OGDH: variants seen among roughly 807,000 people sequenced by gnomAD.
The protein encoded by OGDH is 2-oxoglutarate dehydrogenase complex component E1.
OGDH carries 38 observed loss-of-function variants against 116.6 expected under a neutral mutation model. That is an observed-to-expected ratio of 0.33 (90% CI 0.25 to 0.43). The LOEUF is 0.43. Among genes scored for constraint, OGDH ranks in the 20% least tolerant of loss-of-function variants. The pLI, the probability that OGDH is intolerant of heterozygous loss-of-function variation, is 1.00. For synonymous variants in OGDH, 488 were observed against 533.3 expected, an observed-to-expected ratio of 0.92 and a Z score of 1.17; for missense variants, 825 against 1,357.2, an observed-to-expected ratio of 0.61 and a Z score of 6.16.
intron 5 of OGDH, among the ~76,000 whole-genome samples, chr7:44,668,455 C>T (rs573124789): frequency 1.9e-4 from 28 of 150,852 alleles, no homozygotes; most frequent in Non-Finnish European, 3.4e-4. Context: ...CAAAAAAAAA[C>T]TGAGTGTCCA....
intron 10 of OGDH, among the ~76,000 whole-genome samples, chr7:44,693,048 C>G (rs1322816592): frequency 3.9e-5 from 6 of 152,040 alleles, no homozygotes; most frequent in Non-Finnish European, 8.8e-5. Context: ...GTGGCTCACT[C>G]CTGTAATCCC....
intron 1 of OGDH, among the ~76,000 whole-genome samples, chr7:44,611,542 C>G (rs1390521863): frequency 1.3e-5 from 2 of 151,998 alleles, no homozygotes; most frequent in Admixed American, 6.6e-5. Flanking sequence ...TCCCAAAGTG[C>G]TGGGATTACA....
intron 19 of OGDH, among the ~76,000 whole-genome samples, chr7:44,700,514 G>A (rs368329294): frequency 1.3e-5 from 2 of 152,218 alleles, no homozygotes; most frequent in African/African-American, 2.4e-5. Context: ...CACATGCGGA[G>A]CAATCACATA....
intron 3 of OGDH, among the ~76,000 whole-genome samples, chr7:44,646,188 C>G (rs1223369933): frequency 6.6e-6 from 1 of 152,196 alleles, no homozygotes; most frequent in South Asian, 2.1e-4. Flanking sequence ...AAGACTTCAT[C>G]TGTGATAGTT....
At chr7:44,644,209 TTA>T (rs1261305318) in intron 2 of OGDH, among the ~76,000 whole-genome samples, 1 of 152,190 alleles carries the variant, frequency 6.6e-6, no homozygotes, top group African/African-American at 2.4e-5. Flanking sequence ...CTCAAAAAAA[TTA>T]AAATAAACTG....
chr7:44,697,451 C>G lies in OGDH; in HGVS notation c.2133C>G (p.Ala711=), dbSNP rs750013555. ...TGAACCATCTCTGGCCCAATCAGGC[C>G]CCCTATACTGTGTGCAACAGCTCAC... ...IPMNHLWPNQ[A]PYTVCNSSLS... Residue 711 remains alanine (A), a synonymous_variant, in exon 16 of 23, where the codon GCC becomes GCG. Coordinates refer to ENST00000222673, the MANE Select transcript of OGDH (RefSeq NM_002541.4). This position sits in a 1 kb window ranked among gnomAD's most constrained non-coding sequence, Gnocchi z 6.0. 6.8e-6 allele frequency: 11 copies of G among 1,614,170 alleles called. No homozygotes were observed. In the South Asian group the frequency reaches 1.1e-4, roughly 16 times the overall value.
chr7:44,627,177 A>G (rs568249913), intron 2 of OGDH, among the ~76,000 whole-genome samples: 1 of 152,214 alleles, frequency 6.6e-6, no homozygotes, highest in East Asian at 1.9e-4. Context: ...TTGTATTTTT[A>G]GTAGAGACGG....
chr7:44,617,235 T>A (rs115463119), intron 1 of OGDH, among the ~76,000 whole-genome samples: 197 of 152,008 alleles, frequency 1.3e-3, no homozygotes, highest in African/African-American at 4.7e-3. Context: ...ACCCAACCAT[T>A]TCTTTAGTCA....
At chr7:44,615,423 C>T (rs1358140008) in intron 1 of OGDH, among the ~76,000 whole-genome samples, 1 of 152,148 alleles carries the variant, frequency 6.6e-6, no homozygotes, top group African/African-American at 2.4e-5. Context: ...GAAATCCAGA[C>T]TCCCTACCTG....
chr7:44,676,329 GC>G (rs1787692932), intron 9 of OGDH, 180 bp downstream of exon 9: 1 of 1,392,006 alleles, frequency 7.2e-7, no homozygotes, highest in African/African-American at 1.4e-5. Context: ...GCCGAGGTGG[GC>G]AGATCACCTG....
chr7:44,639,131 G>A (rs1562630702), intron 2 of OGDH, among the ~76,000 whole-genome samples: 1 of 152,214 alleles, frequency 6.6e-6, no homozygotes, highest in Non-Finnish European at 1.5e-5. Context: ...AGTGGACAGG[G>A]AGGGCTCTGC....
intron 4 of OGDH, among the ~76,000 whole-genome samples, chr7:44,651,212 C>T (rs1201044164): frequency 6.6e-6 from 1 of 152,192 alleles, no homozygotes; most frequent in Non-Finnish European, 1.5e-5. Context: ...GGAATTCTGT[C>T]CACTCTGAGT....
intron 4 of OGDH, among the ~76,000 whole-genome samples, chr7:44,663,303 A>G (rs1410048686): frequency 6.6e-6 from 1 of 152,178 alleles, no homozygotes; most frequent in East Asian, 1.9e-4. Flanking sequence ...TTTGTAACTC[A>G]CTTTTAAAAA....
intron 4 of OGDH, among the ~76,000 whole-genome samples, chr7:44,650,839 C>A (rs910094667): frequency 2.6e-5 from 4 of 151,914 alleles, no homozygotes; most frequent in Non-Finnish European, 5.9e-5. Context: ...GTAGACGGGT[C>A]AGGGACTGTT....
At chr7:44,625,739 C>T (rs1785176701) in intron 2 of OGDH, among the ~76,000 whole-genome samples, 1 of 152,186 alleles carries the variant, frequency 6.6e-6, no homozygotes, top group African/African-American at 2.4e-5. Flanking sequence ...GGCTTATCAC[C>T]AAAAGGAAGT....
intron 2 of OGDH, among the ~76,000 whole-genome samples, chr7:44,628,221 GTAAC>G (rs1366584650): frequency 2.6e-5 from 4 of 152,162 alleles, no homozygotes; most frequent in African/African-American, 7.2e-5. Context: ...ATGCATCAGT[GTAAC>G]TAACTGTTAA....
intron 1 of OGDH, among the ~76,000 whole-genome samples, chr7:44,621,145 C>T (rs1290615542): frequency 1.3e-5 from 2 of 152,188 alleles, no homozygotes; most frequent in Non-Finnish European, 2.9e-5. Context: ...ACGATCATAG[C>T]TTACTGAAGC....
At chr7:44,608,227 C>A (rs914141769) in intron 1 of OGDH, among the ~76,000 whole-genome samples, 3 of 152,102 alleles carry the variant, frequency 2.0e-5, no homozygotes, top group African/African-American at 7.2e-5. Context: ...CAAAGTGATA[C>A]CCGGCGTCTA....
intron 1 of OGDH, among the ~76,000 whole-genome samples, chr7:44,621,137 G>A (rs115672396): frequency 9.9e-5 from 15 of 152,222 alleles, no homozygotes; most frequent in African/African-American, 3.6e-4. Flanking sequence ...GGAGTGGCAC[G>A]ATCATAGCTT....
Sources: allele counts gnomAD v4.1 joint callset (sites outside exome capture counted in the v4.1 genomes callset), GRCh38; gene constraint gnomAD v4.1.1; non-coding constraint Gnocchi (gnomAD v3.1); transcripts MANE v1.5; gene names NCBI Gene and HGNC (gene_info 2026-07-23, HGNC 2026-07-21).